Variants in PRKG1 observed in about 807,000 individuals in gnomAD.
PRKG1 encodes cGMP-dependent protein kinase 1.
Under a neutral mutation model 88.1 loss-of-function variants are expected in PRKG1, and 35 were observed. The ratio of observed to expected loss-of-function variants is 0.40; its 90% CI spans 0.30 to 0.53. PRKG1 has a LOEUF of 0.53. Among genes scored for constraint, PRKG1 ranks in the 20% least tolerant of loss-of-function variants. The pLI, the probability that PRKG1 is intolerant of heterozygous loss-of-function variation, is 0.59. For synonymous variants in PRKG1, 303 were observed against 292.5 expected (o/e 1.04, Z -0.37); for missense variants, 540 against 839.8 (o/e 0.64, Z 4.41).
chr10:51,711,416 T>A (rs575090524), intron 3 of PRKG1, among the ~76,000 whole-genome samples: 1 of 152,188 alleles, frequency 6.6e-6, no homozygotes, highest in African/African-American at 2.4e-5. Flanking sequence ...ACCTTTCTTT[T>A]TCATATACAG....
intron 5 of PRKG1, among the ~76,000 whole-genome samples, chr10:51,936,769 C>G (rs1180071505): frequency 6.6e-6 from 1 of 151,934 alleles, no homozygotes; most frequent in African/African-American, 2.4e-5. Context: ...TGGGCAGAAT[C>G]AAAGGAAATG....
intron 9 of PRKG1, among the ~76,000 whole-genome samples, chr10:52,192,446 GT>G (rs1839390795): frequency 6.6e-6 from 1 of 152,040 alleles, no homozygotes; most frequent in South Asian, 2.1e-4. Flanking sequence ...TTAACTCACA[GT>G]ATGCTCTACC....
intron 8 of PRKG1, among the ~76,000 whole-genome samples, chr10:52,150,178 A>AT (rs1554810251): frequency 0.12 from 18,339 of 147,764 alleles, 1,280 homozygotes; most frequent in South Asian, 0.24. Context: ...AATAATAATA[A>AT]TAATAATTTG....
At chr10:51,306,379 C>T (rs1189216753) in intron 2 of PRKG1, among the ~76,000 whole-genome samples, 2 of 152,126 alleles carry the variant, frequency 1.3e-5, no homozygotes. Flanking sequence ...GATTGATATG[C>T]ATATTTCCCT....
At chr10:52,098,561 A>G (rs1420182831) in intron 7 of PRKG1, among the ~76,000 whole-genome samples, 1 of 152,244 alleles carries the variant, frequency 6.6e-6, no homozygotes, top group Admixed American at 6.5e-5. Context: ...CTGTAATCCC[A>G]GCACTTGGGG....
chr10:51,878,735 C>T (rs184840054), intron 4 of PRKG1, among the ~76,000 whole-genome samples: 76 of 152,268 alleles, frequency 5.0e-4, no homozygotes, highest in Non-Finnish European at 7.9e-4. Context: ...AAGCCATTTT[C>T]CTTTCTTCCC....
At chr10:52,169,627 A>G (rs1472353826) in intron 9 of PRKG1, among the ~76,000 whole-genome samples, 1 of 152,216 alleles carries the variant, frequency 6.6e-6, no homozygotes, top group Admixed American at 6.5e-5. Context: ...TAAGAATTCT[A>G]GTATGTTACT....
At chr10:51,054,243 G>A (rs191277157) in intron 1 of PRKG1, among the ~76,000 whole-genome samples, 60 of 152,166 alleles carry the variant, frequency 3.9e-4, no homozygotes, top group African/African-American at 1.2e-3. Flanking sequence ...TAGCTCTGAG[G>A]AATGTGTTCC....
chr10:51,369,791 T>C (rs1050339810), intron 2 of PRKG1, among the ~76,000 whole-genome samples: 52 of 152,220 alleles, frequency 3.4e-4, no homozygotes, highest in African/African-American at 1.2e-3. Flanking sequence ...TTTAGGACCA[T>C]GTGTCCCCTA....
intron 3 of PRKG1, among the ~76,000 whole-genome samples, chr10:51,519,944 A>G (rs868579941): frequency 4.6e-5 from 7 of 152,292 alleles, no homozygotes; most frequent in Middle Eastern, 6.8e-3. Context: ...ACTCTGTTCT[A>G]GGCACTTAGT....
chr10:51,195,020 C>T (rs1223886184), intron 2 of PRKG1, among the ~76,000 whole-genome samples: 1 of 152,154 alleles, frequency 6.6e-6, no homozygotes. Flanking sequence ...AACACGTGAA[C>T]TTTGGAGGGA....
chr10:52,066,857 T>C lies in PRKG1; in HGVS notation c.935+4226T>C, dbSNP rs79592253. On this transcript the variant is annotated intron_variant, in intron 7 of 17. Coordinates refer to ENST00000373980, the MANE Select transcript of PRKG1 (RefSeq NM_006258.4). ...TGGCGTGTGGATGCCATTTTGTGAT[T>C]TCTATCACTCAGATATGCCTCTTTA... Among the ~76,000 whole-genome samples the C allele has an allele frequency of 7.3e-3, 1,107 of 152,344 alleles. 15 individuals carry two copies. Among genetic ancestry groups the C allele is most frequent in the African/African-American group, 0.025 (1,056 of 41,578 alleles).
At chr10:52,145,907 C>A (rs1010301942) in intron 8 of PRKG1, among the ~76,000 whole-genome samples, 10 of 152,132 alleles carry the variant, frequency 6.6e-5, no homozygotes, top group African/African-American at 2.4e-4. Flanking sequence ...ACAAAGGAGG[C>A]CTTTTTAGAA....
intron 5 of PRKG1, chr10:52,046,723 T>A (rs866345108): frequency 1.2e-4 from 18 of 152,162 alleles, no homozygotes; most frequent in African/African-American, 4.1e-4. Flanking sequence ...ACTCTCTAAT[T>A]GTTGACTGTG....
intron 4 of PRKG1, among the ~76,000 whole-genome samples, chr10:51,841,746 G>A (rs1392001834): frequency 1.3e-5 from 2 of 151,946 alleles, no homozygotes; most frequent in African/African-American, 4.8e-5. Context: ...GCAGTGGCGC[G>A]ATTTCAGCTC....
intron 2 of PRKG1, among the ~76,000 whole-genome samples, chr10:51,381,579 A>G (rs778103057): frequency 6.6e-6 from 1 of 152,188 alleles, no homozygotes; most frequent in African/African-American, 2.4e-5. Context: ...TTGACTCAAA[A>G]CTTTGGCCTT....
chr10:51,748,455 G>T (rs1207198749), intron 3 of PRKG1, among the ~76,000 whole-genome samples: 1 of 152,060 alleles, frequency 6.6e-6, no homozygotes, highest in Non-Finnish European at 1.5e-5. Flanking sequence ...CTTTTAAAAG[G>T]CATCCTAAGG....
chr10:52,251,673 G>A lies in PRKG1; in HGVS notation c.1173+7G>A. ...TTTCGGACGAGTAGAACTGGTAGGT[G>A]ATTGTTCTTTAAATGCTTTTGATCG... On this transcript the variant is annotated splice_region_variant and intron_variant, in intron 10 of 17. Coordinates refer to ENST00000373980, the MANE Select transcript of PRKG1 (RefSeq NM_006258.4). 1 of 1,605,130 alleles carries A rather than the reference G, an allele frequency of 6.2e-7. No individual in the cohort carries two copies.
chr10:51,505,445 G>C (rs1345779333), intron 3 of PRKG1, among the ~76,000 whole-genome samples: 1 of 152,026 alleles, frequency 6.6e-6, no homozygotes, highest in African/African-American at 2.4e-5. Flanking sequence ...TTTTTGTTGT[G>C]TCTCTGCTAG....
Sources: allele counts gnomAD v4.1 joint callset (sites outside exome capture counted in the v4.1 genomes callset), GRCh38; gene constraint gnomAD v4.1.1; transcripts MANE v1.5; gene names NCBI Gene and HGNC (gene_info 2026-07-23, HGNC 2026-07-21).